The following TBC1D22A variants were observed in gnomAD, a reference collection of about 807,000 sequenced individuals.
TBC1D22A encodes TBC1 domain family member 22A, also known as putative GTPase activator.
A neutral mutation model predicts 60.2 loss-of-function variants in TBC1D22A; 38 were observed. The ratio of observed to expected loss-of-function variants is 0.63; its 90% CI spans 0.49 to 0.83. TBC1D22A has a LOEUF of 0.83. TBC1D22A is among the 40% of genes least tolerant of loss of function. The pLI, the probability that TBC1D22A is intolerant of heterozygous loss-of-function variation, is 0.00. For synonymous variants in TBC1D22A, 302 were observed against 281.7 expected (o/e 1.07, Z -0.72); for missense variants, 628 against 701.0 (o/e 0.90, Z 1.18).
intron 11 of TBC1D22A, among the ~76,000 whole-genome samples, chr22:47,100,031 TGACA>T (rs549572263): frequency 9.3e-4 from 141 of 152,272 alleles, no homozygotes; most frequent in African/African-American, 3.3e-3. Flanking sequence ...GGGTAGATGC[TGACA>T]GACAGAGCCA....
chr22:46,828,184 T>G (rs2086152713), intron 4 of TBC1D22A, among the ~76,000 whole-genome samples: 1 of 152,198 alleles, frequency 6.6e-6, no homozygotes, highest in African/African-American at 2.4e-5. Flanking sequence ...TCTTTTGTAT[T>G]TGAGAGAATG....
At chr22:46,807,936 C>T (rs576743071) in intron 4 of TBC1D22A, among the ~76,000 whole-genome samples, 2 of 152,176 alleles carry the variant, frequency 1.3e-5, no homozygotes, top group South Asian at 2.1e-4. Context: ...CACTGCACTC[C>T]GGCCTGGGTG....
At chr22:47,140,532 T>C (rs1385240787) in intron 12 of TBC1D22A, among the ~76,000 whole-genome samples, 6 of 144,268 alleles carry the variant, frequency 4.2e-5, no homozygotes, top group Non-Finnish European at 6.0e-5. Context: ...CCAGCCTGGG[T>C]GACAGAGTGA....
chr22:47,130,121 C>G (rs116779873), intron 12 of TBC1D22A, among the ~76,000 whole-genome samples: 2,441 of 152,338 alleles, frequency 0.016, 72 homozygotes, highest in African/African-American at 0.056. Flanking sequence ...CCTGTCATCC[C>G]TTTCTGGGAC....
intron 10 of TBC1D22A, among the ~76,000 whole-genome samples, chr22:47,026,741 T>C (rs1372872740): frequency 2.0e-5 from 3 of 152,272 alleles, no homozygotes; most frequent in African/African-American, 7.2e-5. Context: ...AAAACAATGC[T>C]GAGAGAAATG....
intron 4 of TBC1D22A, among the ~76,000 whole-genome samples, chr22:46,835,951 A>G (rs2086498224): frequency 6.6e-6 from 1 of 152,200 alleles, no homozygotes; most frequent in African/African-American, 2.4e-5. Flanking sequence ...ATGCAAGGAA[A>G]AAAAAAACCT....
intron 12 of TBC1D22A, among the ~76,000 whole-genome samples, chr22:47,151,983 G>T (rs1335090379): frequency 6.6e-6 from 1 of 152,184 alleles, no homozygotes; most frequent in African/African-American, 2.4e-5. Context: ...GCATAGGAGC[G>T]TGTGCGGCCG....
chr22:46,927,667 G>A (rs1362471703), intron 8 of TBC1D22A, among the ~76,000 whole-genome samples: 2 of 152,156 alleles, frequency 1.3e-5, no homozygotes, highest in African/African-American at 2.4e-5. Flanking sequence ...TAGATGACAG[G>A]ATCTTGTATG....
intron 4 of TBC1D22A, among the ~76,000 whole-genome samples, chr22:46,806,521 ATTTAAATTAAAT>A (rs368006511): frequency 1.3e-3 from 200 of 149,928 alleles, no homozygotes; most frequent in Non-Finnish European, 2.5e-3. Context: ...AAATTTTTAA[ATTTAAATTAAAT>A]TTTAAATTAA....
intron 12 of TBC1D22A, among the ~76,000 whole-genome samples, chr22:47,115,060 G>T (rs1019618129): frequency 6.6e-6 from 1 of 151,862 alleles, no homozygotes; most frequent in South Asian, 2.1e-4. Context: ...GTGAGGTGAG[G>T]TGGGGCGGAG....
intron 5 of TBC1D22A, among the ~76,000 whole-genome samples, chr22:46,887,045 C>T (rs377370573): frequency 5.9e-5 from 9 of 152,146 alleles, no homozygotes; most frequent in Non-Finnish European, 1.3e-4. Context: ...TCATCAAAGA[C>T]GTCATTAATA....
chr22:47,111,190 C>T (rs954132596), intron 11 of TBC1D22A, among the ~76,000 whole-genome samples: 3 of 152,180 alleles, frequency 2.0e-5, no homozygotes, highest in African/African-American at 2.4e-5. Context: ...CACCAGCACA[C>T]GTTGAATTTG....
At chr22:46,940,247 C>T (rs572902232) in intron 8 of TBC1D22A, among the ~76,000 whole-genome samples, 26 of 152,254 alleles carry the variant, frequency 1.7e-4, no homozygotes, top group African/African-American at 5.5e-4. Context: ...TGGACTTGCT[C>T]GACGGAGGGT....
At chr22:47,113,952 C>T (rs140241292) in intron 12 of TBC1D22A, among the ~76,000 whole-genome samples, 2,257 of 152,210 alleles carry the variant, frequency 0.015, 19 homozygotes, top group Middle Eastern at 0.071. Context: ...ATGTGGTGGT[C>T]CCATCCAGGG....
intron 1 of TBC1D22A, among the ~76,000 whole-genome samples, chr22:46,775,253 T>C (rs1434455476): frequency 1.3e-5 from 2 of 152,168 alleles, no homozygotes; most frequent in Non-Finnish European, 2.9e-5. Flanking sequence ...TTCACGTGAA[T>C]GTGTTTGGGG....
chr22:46,908,792 T>G (rs2069676885), intron 7 of TBC1D22A, among the ~76,000 whole-genome samples: 1 of 152,154 alleles, frequency 6.6e-6, no homozygotes, highest in Non-Finnish European at 1.5e-5. Flanking sequence ...CACTGTTTGT[T>G]TGCTAACTGA....
intron 8 of TBC1D22A, among the ~76,000 whole-genome samples, chr22:46,943,547 C>G (rs1301816937): frequency 2.6e-5 from 4 of 152,252 alleles, no homozygotes; most frequent in African/African-American, 9.6e-5. Context: ...AACCCCTCCT[C>G]TCTCCTACTT....
intron 11 of TBC1D22A, among the ~76,000 whole-genome samples, chr22:47,054,797 A>C (rs1400206690): frequency 2.0e-5 from 3 of 152,176 alleles, no homozygotes; most frequent in Non-Finnish European, 2.9e-5. Flanking sequence ...TTGTGGGGCA[A>C]GGGCGAGGGG....
At chr22:47,159,459 C>T (rs2067876587) in intron 12 of TBC1D22A, among the ~76,000 whole-genome samples, 1 of 151,424 alleles carries the variant, frequency 6.6e-6, no homozygotes, top group Admixed American at 6.6e-5. Flanking sequence ...CACACAGACA[C>T]CACACCCACA....
Sources: gnomAD v4.1 joint callset for allele counts (sites outside exome capture counted in the v4.1 genomes callset) on GRCh38, gnomAD v4.1.1 for gene constraint, MANE v1.5 for transcripts, NCBI Gene and HGNC (gene_info 2026-07-23, HGNC 2026-07-21) for gene names.